Variants in MYRIP observed in about 807,000 individuals in gnomAD.
MYRIP encodes the protein myosin VIIA and Rab interacting protein.
Under a neutral mutation model 98.0 loss-of-function variants are expected in MYRIP, and 49 were observed. The observed-to-expected ratio is 0.50, with a 90% CI of 0.40 to 0.63. The LOEUF (loss-of-function observed/expected upper bound fraction) is 0.63, where lower values mean the gene tolerates loss of function less well. MYRIP is among the 30% of genes least tolerant of loss of function. MYRIP has a pLI of 0.00. For synonymous variants in MYRIP, 404 were observed against 409.5 expected (o/e 0.99, Z 0.16); for missense variants, 1,004 against 1,058.2 (o/e 0.95, Z 0.71).
chr3:40,140,183 G>C (rs1439259049), intron 3 of MYRIP, among the ~76,000 whole-genome samples: 1 of 152,156 alleles, frequency 6.6e-6, no homozygotes, highest in Non-Finnish European at 1.5e-5. Context: ...ACCTGACAAT[G>C]GAATTACTGT....
intron 2 of MYRIP, among the ~76,000 whole-genome samples, chr3:39,929,690 C>A (rs1275582589): frequency 6.6e-6 from 1 of 151,986 alleles, no homozygotes; most frequent in East Asian, 1.9e-4. Flanking sequence ...CAAATATTAT[C>A]TCTGTCTAAT....
At chr3:39,868,859 A>C (rs1212318900) in intron 1 of MYRIP, among the ~76,000 whole-genome samples, 1 of 152,152 alleles carries the variant, frequency 6.6e-6, no homozygotes, top group Non-Finnish European at 1.5e-5. Context: ...ATTTTCTTTG[A>C]ATATGTCAAC....
At chr3:40,201,102 C>A (rs1190452212) in intron 10 of MYRIP, among the ~76,000 whole-genome samples, 1 of 152,182 alleles carries the variant, frequency 6.6e-6, no homozygotes, top group African/African-American at 2.4e-5. Flanking sequence ...TCTGACTGCT[C>A]AAGGTCATCG....
At position 40,190,322 on chromosome 3, in the gene MYRIP, G is replaced by C. The variant is rs753987518; in HGVS notation, c.1524G>C (p.Ser508=). 20 of 1,613,900 alleles carry C rather than the reference G, an allele frequency of 1.2e-5. No individual in the cohort carries two copies. In the African/African-American group the frequency reaches 2.4e-4, roughly 19 times the overall value. Residue 508 remains serine, a synonymous_variant, in exon 10 of 17, where the codon TCG becomes TCC. Coordinates refer to ENST00000302541, the MANE Select transcript of MYRIP (RefSeq NM_015460.4). The stretch of plus-strand genomic sequence containing the variant: ...CCCAGTTGGCCAGCAGGGAGACCTC[G>C]GACAGCAGCGAGCCGGAGGAGGCCC... ...FNPQLASRET[S]DSSEPEEAPH...
chr3:39,866,878 T>C (rs1230060389), intron 1 of MYRIP, among the ~76,000 whole-genome samples: 1 of 152,098 alleles, frequency 6.6e-6, no homozygotes, highest in Non-Finnish European at 1.5e-5. Context: ...CAAGGCAATT[T>C]TGAACAAAAA....
intron 2 of MYRIP, among the ~76,000 whole-genome samples, chr3:40,029,389 G>T (rs1272515858): frequency 6.6e-6 from 1 of 152,190 alleles, no homozygotes; most frequent in Admixed American, 6.5e-5. Flanking sequence ...CAATAATCAG[G>T]CAACAAATAA....
intron 2 of MYRIP, among the ~76,000 whole-genome samples, chr3:40,002,679 A>G (rs971958841): frequency 6.6e-6 from 1 of 152,168 alleles, no homozygotes; most frequent in Non-Finnish European, 1.5e-5. Flanking sequence ...AGCCCGAGGT[A>G]TGTTTAAGGA....
intron 12 of MYRIP, chr3:40,242,496 A>G (rs1381973768): frequency 3.5e-5 from 3 of 86,694 alleles, no homozygotes; most frequent in Non-Finnish European, 5.9e-5. Context: ...TCTTGGCAGG[A>G]AAAAAAAAAA....
chr3:40,216,599 T>C (rs1037195952), intron 11 of MYRIP, among the ~76,000 whole-genome samples: 1 of 152,292 alleles, frequency 6.6e-6, no homozygotes, highest in African/African-American at 2.4e-5. Flanking sequence ...ATAAAGTGAA[T>C]AGCAGGAAAC....
At chr3:39,975,661 A>G (rs1945730305) in intron 2 of MYRIP, among the ~76,000 whole-genome samples, 2 of 152,284 alleles carry the variant, frequency 1.3e-5, no homozygotes, top group South Asian at 2.1e-4. Context: ...CTACAAGGCT[A>G]CAGTAACCAA....
chr3:40,192,834 G>A (rs944482987), intron 10 of MYRIP, among the ~76,000 whole-genome samples: 4 of 152,292 alleles, frequency 2.6e-5, no homozygotes, highest in African/African-American at 9.6e-5. Context: ...CTGGTTAGCT[G>A]AGTCATTGTA....
intron 1 of MYRIP, among the ~76,000 whole-genome samples, chr3:39,843,535 T>G (rs1197929207): frequency 6.6e-6 from 1 of 152,190 alleles, no homozygotes; most frequent in Non-Finnish European, 1.5e-5. Context: ...AGTTGGCCAG[T>G]CTACCATTTC....
At chr3:39,900,642 T>G in intron 1 of MYRIP, 145 bp from the exon 2 acceptor site, 1 of 461,532 alleles carries the variant, frequency 2.2e-6, no homozygotes, top group Non-Finnish European at 3.8e-6. Flanking sequence ...TTGTAAATAT[T>G]TGCTGAGTCT....
chr3:39,928,922 A>G (rs9809171), intron 2 of MYRIP, among the ~76,000 whole-genome samples: 55,966 of 151,766 alleles, frequency 0.37, 10,624 homozygotes, highest in East Asian at 0.45. Context: ...GATAGTCTAC[A>G]TGGAAAATCC....
chr3:40,198,131 G>A (rs1186317616), intron 10 of MYRIP, among the ~76,000 whole-genome samples: 2 of 152,078 alleles, frequency 1.3e-5, no homozygotes, highest in African/African-American at 4.8e-5. Context: ...GATGCAACAT[G>A]GTACCATGGC....
intron 1 of MYRIP, among the ~76,000 whole-genome samples, chr3:39,880,581 C>G (rs9878491): frequency 0.32 from 48,869 of 152,114 alleles, 7,993 homozygotes; most frequent in Middle Eastern, 0.46. Context: ...TTTCATATTA[C>G]TATCTCCTAC....
In MYRIP at chr3:40,149,884, G is replaced by A. The variant is rs6798508; in HGVS notation, c.333-1164G>A. ...TCACATTTCACTGGGGTCTGGAAAA[G>A]AAGAGCAACTAAATGTGGGATTGTT... is the stretch of plus-strand genomic sequence containing the variant. On this transcript the variant is annotated intron_variant, in intron 3 of 16. Transcript: ENST00000302541. Among the ~76,000 whole-genome samples, 384 of 152,280 alleles carry A rather than the reference G, an allele frequency of 2.5e-3. 3 individuals are homozygous for A. The highest frequency in any genetic ancestry group is 8.7e-3 in the African/African-American group (362 of 41,560).
intron 3 of MYRIP, among the ~76,000 whole-genome samples, chr3:40,085,294 T>A (rs961941698): frequency 1.3e-5 from 2 of 152,128 alleles, no homozygotes; most frequent in African/African-American, 4.8e-5. Context: ...TATATTTCGT[T>A]TTCTTTTTTT....
At chr3:40,219,185 G>A (rs905469782) in intron 11 of MYRIP, among the ~76,000 whole-genome samples, 1 of 152,116 alleles carries the variant, frequency 6.6e-6, no homozygotes, top group Non-Finnish European at 1.5e-5. Flanking sequence ...CAATGGGCAG[G>A]AGTTTAAAGG....
Sources: allele counts gnomAD v4.1 joint callset (sites outside exome capture counted in the v4.1 genomes callset), GRCh38; gene constraint gnomAD v4.1.1; transcripts MANE v1.5; gene names NCBI Gene and HGNC (gene_info 2026-07-23, HGNC 2026-07-21).